KCTD10: variants seen among roughly 807,000 people sequenced by gnomAD.
KCTD10 encodes the protein potassium channel tetramerization domain containing 10, also known as BTB/POZ domain-containing adapter for CUL3-mediated RhoA degradation protein 3.
In KCTD10, 13 loss-of-function variants were observed where a neutral mutation model predicts 34.6. The ratio of observed to expected loss-of-function variants is 0.38; its 90% CI spans 0.24 to 0.60. The LOEUF (loss-of-function observed/expected upper bound fraction) is 0.60, where lower values mean the gene tolerates loss of function less well. KCTD10 is among the 20% of genes least tolerant of loss of function. KCTD10 has a pLI of 0.66. For missense variants in KCTD10, 256 were observed against 420.3 expected, an observed-to-expected ratio of 0.61 and a Z score of 3.42; for synonymous variants, 156 against 168.8, an observed-to-expected ratio of 0.92 and a Z score of 0.59.
intron 6 of KCTD10, chr12:109,455,665 T>C (rs1193339681): frequency 1.1e-5 from 2 of 183,466 alleles, no homozygotes; most frequent in Non-Finnish European, 2.3e-5. Flanking sequence ...ACAGAGTGTA[T>C]AATGTGAATT....
chr12:109,449,137 A>G lies in KCTD10; in HGVS notation c.*2458T>C, dbSNP rs1204399470. The G allele has an allele frequency of 6.6e-6, 1 of 152,252 alleles. No individual in the cohort carries two copies. The highest frequency in any genetic ancestry group is 2.4e-5 in the African/African-American group (1 of 41,472). 9.4% of individuals were successfully genotyped at this position (152,252 alleles called of 1,614,324 possible). ...AGTGTTTTACCTGGATAGTGCTTAC[A>G]TTATAAATATTGGTTTTTGCCCTTA... On this transcript the variant is annotated 3_prime_UTR_variant, in exon 7 of 7. Coordinates refer to ENST00000228495, the MANE Select transcript of KCTD10 (RefSeq NM_031954.5).
At chr12:109,471,179 AC>A in intron 1 of KCTD10, 3 of 985,340 alleles carry the variant, frequency 3.0e-6, no homozygotes, top group Non-Finnish European at 3.6e-6. Flanking sequence ...ATGAATGGGT[AC>A]TACAACTATA....
Position 109,473,223 on chromosome 12 carries a change from A to G in KCTD10, c.4-3495T>C, listed in dbSNP as rs141827863. On this transcript the variant is annotated intron_variant, in intron 1 of 6. Transcript: ENST00000228495. The stretch of plus-strand genomic sequence containing the variant: ...CCTAGTAGATTGAGAGCTATGATAC[A>G]TAAGCTGAGAAAGGCCAGCCTCACC... Among the ~76,000 whole-genome samples the G allele has an allele frequency of 2.8e-3, 431 of 152,322 alleles. 4 individuals carry two copies. The highest frequency in any genetic ancestry group is 0.01 in the African/African-American group (419 of 41,570).
intron 2 of KCTD10, among the ~76,000 whole-genome samples, chr12:109,461,793 C>A (rs958673379): frequency 9.2e-5 from 14 of 152,204 alleles, no homozygotes; most frequent in African/African-American, 3.1e-4. Context: ...GAAGTCGAGG[C>A]CTTCTGACAA....
In KCTD10 at chr12:109,473,118, C is replaced by T. The variant is rs538890548; in HGVS notation, c.4-3390G>A. ...ATGCCACAGCCCCATCAGGGTCAGT[C>T]ACTCTCAAGCTGGAGTTGAGTCAGT... On this transcript the variant is annotated intron_variant, in intron 1 of 6. Transcript: ENST00000228495. Among the ~76,000 whole-genome samples, 16 of 152,340 alleles carry T rather than the reference C, an allele frequency of 1.1e-4. No individual in the cohort carries two copies. The South Asian group carries it at 1.2e-3, about 12-fold the overall frequency.
intron 1 of KCTD10, among the ~76,000 whole-genome samples, chr12:109,474,405 C>G (rs746409249): frequency 6.6e-6 from 1 of 152,144 alleles, no homozygotes; most frequent in Non-Finnish European, 1.5e-5. Context: ...TCTCCATCTC[C>G]CCTGAATATA....
chr12:109,460,955 C>T lies in KCTD10; in HGVS notation c.218-150G>A. 1.3e-6 allele frequency: 1 copy of T among 759,016 alleles called. No individual in the cohort carries two copies. Among genetic ancestry groups the T allele is most frequent in the Non-Finnish European group, 2.1e-6 (1 of 478,590 alleles). 47.0% of individuals were successfully genotyped at this position (759,016 alleles called of 1,614,324 possible). ...GCAGCCTCACCTGCCTACCTGCCCA[C>T]TAAGGGCTGAGGAAGCCCCCACAGC... On this transcript the variant is annotated intron_variant, in intron 2 of 6. Transcript: ENST00000228495. This position sits in a 1 kb window ranked among gnomAD's most constrained non-coding sequence, Gnocchi z 4.5.
chr12:109,451,555 T>G lies in KCTD10; in HGVS notation c.*40A>C. 3 of 1,553,152 alleles carry G rather than the reference T, an allele frequency of 1.9e-6. No homozygotes were observed. The highest frequency in any genetic ancestry group is 2.6e-6 in the Non-Finnish European group (3 of 1,143,808). On this transcript the variant is annotated 3_prime_UTR_variant, in exon 7 of 7. Transcript: ENST00000228495. The surrounding 1 kb of genome is among the most constrained non-coding windows in gnomAD (Gnocchi z 5.0). ...GATCTGGGTGTAGCACGGCAGGGAG[T>G]GGGGGCGGTGAGAGGAGGGCGGCTC...
chr12:109,456,757 GAGTT>G (rs1179955863), intron 5 of KCTD10: 1 of 177,604 alleles, frequency 5.6e-6, no homozygotes, highest in Non-Finnish European at 1.2e-5. Flanking sequence ...TCAAGTTCCT[GAGTT>G]AGAGCCACAT....
At chr12:109,465,066 A>G (rs1278361577) in intron 2 of KCTD10, among the ~76,000 whole-genome samples, 1 of 152,214 alleles carries the variant, frequency 6.6e-6, no homozygotes, top group East Asian at 1.9e-4. Flanking sequence ...TACGTGCCCC[A>G]TGATGTGGCA....
intron 5 of KCTD10, chr12:109,456,608 C>T: frequency 4.6e-6 from 2 of 435,084 alleles, no homozygotes; most frequent in South Asian, 4.2e-5. Flanking sequence ...GAGTGACAGC[C>T]TCTGGGCACA....
At chr12:109,477,195 C>T in intron 1 of KCTD10, 65 bp downstream of exon 1, 4 of 1,595,840 alleles carry the variant, frequency 2.5e-6, no homozygotes, top group African/African-American at 2.7e-5. Flanking sequence ...CCTTCTTATA[C>T]TCTGCTGCTG....
intron 2 of KCTD10, among the ~76,000 whole-genome samples, chr12:109,467,904 G>A (rs73407581): frequency 0.085 from 13,003 of 152,200 alleles, 1,306 homozygotes; most frequent in African/African-American, 0.24. Flanking sequence ...ATGGCATCAG[G>A]CCACCAAGGC....
Position 109,450,422 on chromosome 12 carries a change from A to G in KCTD10, c.*1173T>C. 1 of 399,210 alleles carries G rather than the reference A, an allele frequency of 2.5e-6. No individual in the cohort carries two copies. The highest frequency in any genetic ancestry group is 3.6e-5 in the East Asian group (1 of 28,084). 24.7% of individuals were successfully genotyped at this position (399,210 alleles called of 1,614,324 possible). ...ACACATATCCCTTAAACAAACATGA[A>G]CACAGACACAAACCAGACCCAAAGT... is the stretch of plus-strand genomic sequence containing the variant. On this transcript the variant is annotated 3_prime_UTR_variant, in exon 7 of 7. Transcript: ENST00000228495.
chr12:109,475,759 C>A (rs568200709), intron 1 of KCTD10, among the ~76,000 whole-genome samples: 205 of 152,308 alleles, frequency 1.3e-3, no homozygotes, highest in African/African-American at 4.8e-3. Context: ...TTGTATAAAA[C>A]CTTCCCAAAC....
At position 109,465,921 on chromosome 12, in the gene KCTD10, C is replaced by G. The variant is rs145236831; in HGVS notation, c.217+3594G>C. The stretch of plus-strand genomic sequence containing the variant: ...ATACATTAGCAAGACATCAGAAAAC[C>G]TACAATAGGGGGAAGTATTGTACGA... On this transcript the variant is annotated intron_variant, in intron 2 of 6. Coordinates refer to ENST00000228495, the MANE Select transcript of KCTD10 (RefSeq NM_031954.5). 1.5e-3 allele frequency among the ~76,000 whole-genome samples: 232 copies of G among 152,218 alleles called. 1 individual carries two copies. The highest frequency in any genetic ancestry group is 2.5e-3 in the Admixed American group (38 of 15,304).
At chr12:109,458,272 A>C in intron 3 of KCTD10, 194 bp from the exon 4 acceptor site, 2 of 576,022 alleles carry the variant, frequency 3.5e-6, no homozygotes, top group Non-Finnish European at 6.2e-6. Context: ...CTCTTTGGCT[A>C]TGACCATGAT....
At position 109,451,328 on chromosome 12, in the gene KCTD10, C is replaced by T. The variant is rs556766593; in HGVS notation, c.*267G>A. ...TCATTCATACTTTTCCTCTGAGAAC[C>T]GAGAAAGCCTGGCTCCAAAGAGTCT... is the stretch of plus-strand genomic sequence containing the variant. On this transcript the variant is annotated 3_prime_UTR_variant, in exon 7 of 7. Coordinates refer to ENST00000228495, the MANE Select transcript of KCTD10 (RefSeq NM_031954.5). The surrounding 1 kb of genome is among the most constrained non-coding windows in gnomAD (Gnocchi z 5.0). 7.9e-5 allele frequency: 36 copies of T among 456,700 alleles called. No individual in the cohort carries two copies. In the South Asian group the frequency reaches 1.3e-3, roughly 16 times the overall value. The allele number at this position is 456,700 out of a possible 1,614,324, so 28.3% of individuals were successfully genotyped here.
chr12:109,454,697 C>G (rs1872935242), intron 6 of KCTD10, among the ~76,000 whole-genome samples: 1 of 152,218 alleles, frequency 6.6e-6, no homozygotes, highest in Non-Finnish European at 1.5e-5. Context: ...TCACTGTACT[C>G]AAGCCTGGGT....
Sources: gnomAD v4.1 joint callset for allele counts (sites outside exome capture counted in the v4.1 genomes callset) on GRCh38, gnomAD v4.1.1 for gene constraint, Gnocchi (gnomAD v3.1) non-coding constraint, MANE v1.5 for transcripts, NCBI Gene and HGNC (gene_info 2026-07-23, HGNC 2026-07-21) for gene names.